The following CAPN5 variants were observed in gnomAD, a reference collection of about 807,000 sequenced individuals.
The protein encoded by CAPN5 is calpain 5, also known as calpain-5.
Under a neutral mutation model 73.0 loss-of-function variants are expected in CAPN5, and 54 were observed. The observed-to-expected ratio is 0.74, with a 90% CI of 0.59 to 0.93. The LOEUF (loss-of-function observed/expected upper bound fraction) is 0.93, where lower values mean the gene tolerates loss of function less well. CAPN5 is among the 40% of genes least tolerant of loss of function. The pLI, the probability that CAPN5 is intolerant of heterozygous loss-of-function variation, is 0.00. For missense variants in CAPN5, 785 were observed against 882.9 expected, an observed-to-expected ratio of 0.89 and a Z score of 1.41; for synonymous variants, 335 against 356.9, an observed-to-expected ratio of 0.94 and a Z score of 0.69.
At position 77,118,324 on chromosome 11, in the gene CAPN5, A is replaced by G. The variant is rs1950488950; in HGVS notation, c.1139A>G (p.His380Arg). 1 of 1,602,332 alleles carries G rather than the reference A, an allele frequency of 6.2e-7. No homozygotes were observed. Among genetic ancestry groups the G allele is most frequent in the African/African-American group, 1.3e-5 (1 of 74,886 alleles). ...RQNRGGGCIN[H>R]KDTFFQNPQY... ...AACCGCGGTGGCGGCTGCATCAACCACAAGGACACCTTCTTCCAGAACCCA... is the reference window on the plus strand; with the variant it reads ...AACCGCGGTGGCGGCTGCATCAACCGCAAGGACACCTTCTTCCAGAACCCA... Residue 380 changes from histidine (H) to arginine (R), a missense_variant, in exon 8 of 13, where the codon CAC becomes CGC. His to Arg is a conservative substitution (Grantham distance 29). Transcript: ENST00000648180.
At chr11:77,120,344 A>G (rs947595928) in intron 9 of CAPN5, 6 of 166,390 alleles carry the variant, frequency 3.6e-5, no homozygotes, top group Non-Finnish European at 5.1e-5. Flanking sequence ...CACTGCGCCC[A>G]GCCTCCTTTA....
intron 3 of CAPN5, among the ~76,000 whole-genome samples, chr11:77,099,961 T>G (rs1555038531): frequency 6.6e-6 from 1 of 152,022 alleles, no homozygotes; most frequent in East Asian, 1.9e-4. Context: ...CTCAGCCTCC[T>G]GAGTAGCTGG....
rs147108363 is a variant in CAPN5 at position 77,079,783 on chromosome 11, TTGTGTGTGTGTG to T, written c.-35-5049_-35-5038del. On this transcript the variant is annotated intron_variant, in intron 1 of 12. Transcript: ENST00000648180. ...TAATGCATAAGAGCTCTACTTGAGA[TTGTGTGTGTGTG>T]TGTGTGTGTGTGTGTGTGTCTGTGT... Among the ~76,000 whole-genome samples, 113 of 148,246 alleles carry T rather than the reference TTGTGTGTGTGTG, an allele frequency of 7.6e-4. 1 individual carries two copies. Among genetic ancestry groups the T allele is most frequent in the African/African-American group, 2.6e-3 (103 of 40,344 alleles).
In CAPN5 at chr11:77,122,424, GTC is replaced by G. The variant is rs1382559758; in HGVS notation, c.1604-148_1604-147del. 9.0e-6 allele frequency: 6 copies of G among 669,988 alleles called. No individual in the cohort carries two copies. The African/African-American group carries it at 1.1e-4, about 12-fold the overall frequency. 41.5% of individuals were successfully genotyped at this position (669,988 alleles called of 1,614,324 possible). A position where few individuals can be genotyped will look rare whatever the true frequency, so the allele number is the denominator to read the frequency against. ...CCAGTGTGCCCCTGCTGGCCGGCCT[GTC>G]TCTGGAAACGAAGGGGCCCTGAGGT... is the stretch of plus-strand genomic sequence containing the variant. On this transcript the variant is annotated intron_variant, in intron 11 of 12. Coordinates refer to ENST00000648180, the MANE Select transcript of CAPN5 (RefSeq NM_004055.5).
chr11:77,114,526 G>A, intron 5 of CAPN5, 92 bp downstream of exon 5: 1 of 1,187,750 alleles, frequency 8.4e-7, no homozygotes, highest in Admixed American at 1.7e-5. Flanking sequence ...GCTCAGGTCA[G>A]CTCCTACGTA....
At chr11:77,090,311 T>C (rs1950135790) in intron 2 of CAPN5, among the ~76,000 whole-genome samples, 1 of 152,162 alleles carries the variant, frequency 6.6e-6, no homozygotes, top group South Asian at 2.1e-4. Context: ...AGGTTCCTGC[T>C]CTGCCACAGC....
chr11:77,096,776 G>A (rs1555037533), intron 3 of CAPN5, among the ~76,000 whole-genome samples: 1 of 152,234 alleles, frequency 6.6e-6, no homozygotes. Context: ...CACAGAGCCG[G>A]GCCTGGGCCC....
At chr11:77,109,340 T>C (rs1950387178) in intron 3 of CAPN5, among the ~76,000 whole-genome samples, 1 of 152,218 alleles carries the variant, frequency 6.6e-6, no homozygotes, top group Non-Finnish European at 1.5e-5. Flanking sequence ...CTGGTACAGT[T>C]TGTCTACAGA....
chr11:77,106,947 G>A (rs1555039999), intron 3 of CAPN5, among the ~76,000 whole-genome samples: 1 of 152,254 alleles, frequency 6.6e-6, no homozygotes, highest in African/African-American at 2.4e-5. Context: ...CGGCCCAGCA[G>A]AGACCATTAG....
Position 77,092,891 on chromosome 11 carries a change from C to T in CAPN5, c.166-791C>T, listed in dbSNP as rs577146553. The stretch of plus-strand genomic sequence containing the variant: ...GTGAGGCAGGAGAATTGCTTGAACC[C>T]AGGAGCTGGAGGTTGCAGTGAGCTG... On this transcript the variant is annotated intron_variant, in intron 2 of 12. Coordinates refer to ENST00000648180, the MANE Select transcript of CAPN5 (RefSeq NM_004055.5). 3.9e-5 allele frequency among the ~76,000 whole-genome samples: 6 copies of T among 152,310 alleles called. No homozygotes were observed. The East Asian group carries it at 1.2e-3, about 29-fold the overall frequency.
chr11:77,121,031 C>T (rs924586396), intron 10 of CAPN5, 122 bp downstream of exon 10: 1 of 849,076 alleles, frequency 1.2e-6, no homozygotes, highest in African/African-American at 1.7e-5. Context: ...TGGGCTGATA[C>T]CAGTGCCCAT....
rs1232506939 is a variant in CAPN5 at position 77,118,077 on chromosome 11, T to C, written c.972-80T>C. The C allele has an allele frequency of 3.1e-6, 4 of 1,279,030 alleles. No individual in the cohort carries two copies. In the African/African-American group the frequency reaches 4.4e-5, roughly 14 times the overall value. The allele number at this position is 1,279,030 out of a possible 1,614,324, so 79.2% of individuals were successfully genotyped here. Reference sequence around the variant, plus strand: ...CTCTCACCTCTGGGCCATATGGACATATTAGGTTGTTGGGCTGGGGGGCCA... The same window carrying C: ...CTCTCACCTCTGGGCCATATGGACACATTAGGTTGTTGGGCTGGGGGGCCA... On this transcript the variant is annotated intron_variant, in intron 7 of 12. Transcript: ENST00000648180.
At chr11:77,088,150 T>G (rs1950109923) in intron 2 of CAPN5, 2 of 1,376,086 alleles carry the variant, frequency 1.5e-6, no homozygotes, top group African/African-American at 2.9e-5. Flanking sequence ...CTGGAGGTCC[T>G]TTGGTGGAAT....
rs1327420323 is a variant in CAPN5, at chr11:77,124,120, C to A, written c.*250C>A. On this transcript the variant is annotated 3_prime_UTR_variant, in exon 13 of 13. Coordinates refer to ENST00000648180, the MANE Select transcript of CAPN5 (RefSeq NM_004055.5). ...GTCCTCCCCACCTCAACTGTCACCA[C>A]TGCTAAGGGACTCTATCCATTGAGC... is the stretch of plus-strand genomic sequence containing the variant. The A allele has an allele frequency of 7.4e-6, 4 of 539,272 alleles. No homozygotes were observed. The African/African-American group carries it at 7.6e-5, about 10-fold the overall frequency. The allele number at this position is 539,272 out of a possible 1,614,324, so 33.4% of individuals were successfully genotyped here. A position where few individuals can be genotyped will look rare whatever the true frequency, so the allele number is the denominator to read the frequency against.
At chr11:77,101,783 C>G (rs1050677670) in intron 3 of CAPN5, among the ~76,000 whole-genome samples, 2 of 152,236 alleles carry the variant, frequency 1.3e-5, no homozygotes, top group Non-Finnish European at 2.9e-5. Flanking sequence ...CGGCTCCACT[C>G]ACACTCCAGT....
intron 12 of CAPN5, 77 bp from the exon 13 acceptor site, chr11:77,123,611 A>T: frequency 1.6e-6 from 2 of 1,273,058 alleles, no homozygotes; most frequent in Non-Finnish European, 2.2e-6. Flanking sequence ...TGCCACCACC[A>T]CCAGCACCCC....
At chr11:77,076,939 T>C (rs1298477868) in intron 1 of CAPN5, among the ~76,000 whole-genome samples, 3 of 152,258 alleles carry the variant, frequency 2.0e-5, no homozygotes, top group Non-Finnish European at 2.9e-5. Context: ...GAGAAACCTC[T>C]ATACTGTTTT....
chr11:77,067,722 A>G (rs1009571644), intron 1 of CAPN5, among the ~76,000 whole-genome samples: 14 of 145,726 alleles, frequency 9.6e-5, no homozygotes, highest in Non-Finnish European at 1.9e-4. Flanking sequence ...TGTTTCTCAG[A>G]CCTCAGAGTT....
At chr11:77,079,787 G>GTGTGTT (rs1371845788) in intron 1 of CAPN5, among the ~76,000 whole-genome samples, 1 of 144,818 alleles carries the variant, frequency 6.9e-6, no homozygotes, top group African/African-American at 2.8e-5. Context: ...TTGAGATTGT[G>GTGTGTT]TGTGTGTGTG....
Sources: gnomAD v4.1 joint callset for allele counts (sites outside exome capture counted in the v4.1 genomes callset) on GRCh38, gnomAD v4.1.1 for gene constraint, MANE v1.5 for transcripts, NCBI Gene and HGNC (gene_info 2026-07-23, HGNC 2026-07-21) for gene names.